EVI5: variants seen among roughly 807,000 people sequenced by gnomAD.
EVI5 encodes the protein ecotropic viral integration site 5 protein homolog.
Under a neutral mutation model 112.0 loss-of-function variants are expected in EVI5, and 73 were observed. The observed-to-expected ratio is 0.65, with a 90% CI of 0.54 to 0.79. The LOEUF is 0.79. Among genes scored for constraint, EVI5 ranks in the 30% least tolerant of loss-of-function variants. EVI5 has a pLI of 0.00. For synonymous variants in EVI5, 305 were observed against 319.9 expected (o/e 0.95, Z 0.50); for missense variants, 900 against 968.8 (o/e 0.93, Z 0.94).
intron 1 of EVI5, among the ~76,000 whole-genome samples, chr1:92,748,175 A>C (rs1679599933): frequency 6.6e-6 from 1 of 152,174 alleles, no homozygotes. Flanking sequence ...AAGCTCGCTG[A>C]CTGCTTCAAC....
chr1:92,785,048 C>G lies in EVI5; in HGVS notation c.-294G>C. The G allele has an allele frequency of 1.0e-6, 1 of 985,676 alleles. No individual in the cohort carries two copies. The allele number at this position is 985,676 out of a possible 1,614,324, so 61.1% of individuals were successfully genotyped here. A position where few individuals can be genotyped will look rare whatever the true frequency, so the allele number is the denominator to read the frequency against. On this transcript the variant is annotated 5_prime_UTR_variant, in exon 1 of 20. Transcript: ENST00000684568. ...CCGCCGCTGTCGGAACTGCAGCCAG[C>G]CCCTTGCCAGCTGGCCAGCTGGTTC...
intron 2 of EVI5, among the ~76,000 whole-genome samples, chr1:92,725,283 C>G (rs1043992261): frequency 6.6e-6 from 1 of 152,136 alleles, no homozygotes; most frequent in African/African-American, 2.4e-5. Context: ...CCTCACCAGC[C>G]AGACTGGAAA....
chr1:92,780,453 T>C (rs2103097222), intron 1 of EVI5, among the ~76,000 whole-genome samples: 1 of 152,338 alleles, frequency 6.6e-6, no homozygotes, highest in Non-Finnish European at 1.5e-5. Context: ...CCCACTTTCT[T>C]TGCCCACCTC....
intron 2 of EVI5, among the ~76,000 whole-genome samples, chr1:92,735,756 AAT>A (rs1345094303): frequency 3.0e-4 from 43 of 144,110 alleles, no homozygotes; most frequent in African/African-American, 9.5e-4. Context: ...ATTAAAATAT[AAT>A]ATGATATATG....
intron 9 of EVI5, among the ~76,000 whole-genome samples, chr1:92,687,723 C>T (rs1212163153): frequency 1.3e-5 from 2 of 151,924 alleles, no homozygotes; most frequent in Non-Finnish European, 2.9e-5. Flanking sequence ...AAAAGTGGGC[C>T]AAGGATATGA....
At chr1:92,700,573 A>G (rs1345592884) in intron 5 of EVI5, among the ~76,000 whole-genome samples, 1 of 152,174 alleles carries the variant, frequency 6.6e-6, no homozygotes, top group African/African-American at 2.4e-5. Context: ...TATTGAAGTT[A>G]ATATCTCTAC....
chr1:92,583,846 T>A (rs1672358514), intron 18 of EVI5, among the ~76,000 whole-genome samples: 1 of 152,012 alleles, frequency 6.6e-6, no homozygotes, highest in Non-Finnish European at 1.5e-5. Flanking sequence ...CTACTTAATA[T>A]ATTTTAACAT....
chr1:92,776,482 T>C (rs183873101), intron 1 of EVI5, among the ~76,000 whole-genome samples: 223 of 152,282 alleles, frequency 1.5e-3, no homozygotes, highest in Non-Finnish European at 2.5e-3. Flanking sequence ...ATGTTAACTA[T>C]ACACTAAAAT....
chr1:92,754,672 T>A (rs1423713158), intron 1 of EVI5, among the ~76,000 whole-genome samples: 1 of 152,172 alleles, frequency 6.6e-6, no homozygotes, highest in Non-Finnish European at 1.5e-5. Context: ...GACTGCTGAG[T>A]ATCTTCACCT....
rs575077935 is a variant in EVI5, at chr1:92,683,794, G to A, written c.1098-6576C>T. ...CTTCAATAGTTGATTCGATCAAGTG[G>A]AAGAAAGTGACTGAAGATGAAATTA... On this transcript the variant is annotated intron_variant, in intron 9 of 19. Transcript: ENST00000684568. Among the ~76,000 whole-genome samples, 83 of 152,192 alleles carry A rather than the reference G, an allele frequency of 5.5e-4. 1 individual carries two copies. The highest frequency in any genetic ancestry group is 1.1e-3 in the Non-Finnish European group (72 of 68,000).
At chr1:92,678,530 A>G (rs1667107089) in intron 9 of EVI5, among the ~76,000 whole-genome samples, 2 of 152,124 alleles carry the variant, frequency 1.3e-5, no homozygotes, top group Admixed American at 6.5e-5. Flanking sequence ...CAACGCCCAG[A>G]AAGTGATAAA....
intron 13 of EVI5, among the ~76,000 whole-genome samples, chr1:92,651,873 A>T (rs1662191210): frequency 6.6e-6 from 1 of 151,512 alleles, no homozygotes; most frequent in Non-Finnish European, 1.5e-5. Context: ...AAAAGAAAGA[A>T]ATTGGAACCC....
chr1:92,601,950 T>TA (rs749685615), intron 18 of EVI5, among the ~76,000 whole-genome samples: 1 of 152,206 alleles, frequency 6.6e-6, no homozygotes, highest in African/African-American at 2.4e-5. Flanking sequence ...AGACTAATGC[T>TA]AAAATCACAT....
chr1:92,739,183 G>C (rs1330592121), intron 1 of EVI5, among the ~76,000 whole-genome samples: 2 of 139,670 alleles, frequency 1.4e-5, no homozygotes, highest in African/African-American at 2.7e-5. Flanking sequence ...TGAGGCAGGA[G>C]AATCACTTGA....
chr1:92,533,164 T>G (rs910812374), intron 19 of EVI5, among the ~76,000 whole-genome samples: 1 of 151,948 alleles, frequency 6.6e-6, no homozygotes, highest in Non-Finnish European at 1.5e-5. Flanking sequence ...CATAAACACC[T>G]CTATGCAAAT....
In EVI5 at chr1:92,513,499, T is replaced by C; in HGVS notation, c.*157A>G. On this transcript the variant is annotated 3_prime_UTR_variant, in exon 20 of 20. Transcript: ENST00000684568. ...GATTTGGCAAAGATAAAAAGGCAGA[T>C]AAGACTGTAAAATATATATATATAT... 1 of 211,922 alleles carries C rather than the reference T, an allele frequency of 4.7e-6. No individual in the cohort carries two copies. The highest frequency in any genetic ancestry group is 8.9e-6 in the Non-Finnish European group (1 of 112,642). The allele number at this position is 211,922 out of a possible 1,614,324, so 13.1% of individuals were successfully genotyped here.
chr1:92,685,394 T>C (rs1323137795), intron 9 of EVI5, among the ~76,000 whole-genome samples: 1 of 152,180 alleles, frequency 6.6e-6, no homozygotes, highest in Non-Finnish European at 1.5e-5. Context: ...CTGGGACACA[T>C]TTAAAGCAGT....
At chr1:92,734,608 T>C (rs1041524124) in intron 2 of EVI5, among the ~76,000 whole-genome samples, 8 of 152,312 alleles carry the variant, frequency 5.3e-5, no homozygotes, top group African/African-American at 1.9e-4. Context: ...TCTATTCTAA[T>C]TGTCATGGAC....
At chr1:92,631,420 G>A (rs1360534662) in intron 14 of EVI5, among the ~76,000 whole-genome samples, 1 of 152,066 alleles carries the variant, frequency 6.6e-6, no homozygotes, top group Non-Finnish European at 1.5e-5. Flanking sequence ...GGATTCCCAG[G>A]TATTTTATTC....
Sources: gnomAD v4.1 joint callset for allele counts (sites outside exome capture counted in the v4.1 genomes callset) on GRCh38, gnomAD v4.1.1 for gene constraint, MANE v1.5 for transcripts, NCBI Gene and HGNC (gene_info 2026-07-23, HGNC 2026-07-21) for gene names.